ANGPT4: variants seen among roughly 807,000 people sequenced by gnomAD.
ANGPT4 encodes the protein angiopoietin-4.
In ANGPT4, 50 loss-of-function variants were observed where a neutral mutation model predicts 53.0. That is an observed-to-expected ratio of 0.94 (90% CI 0.75 to 1.20). The LOEUF (loss-of-function observed/expected upper bound fraction) is 1.20, where lower values mean the gene tolerates loss of function less well. Among genes scored for constraint, ANGPT4 ranks in the 50% most tolerant of loss-of-function variants. The pLI is 0.00. For synonymous variants in ANGPT4, 251 were observed against 259.7 expected (o/e 0.97, Z 0.32); for missense variants, 648 against 637.1 (o/e 1.02, Z -0.18).
chr20:881,786 C>T (rs1297492402), intron 4 of ANGPT4, among the ~76,000 whole-genome samples: 1 of 152,196 alleles, frequency 6.6e-6, no homozygotes, highest in Non-Finnish European at 1.5e-5. Flanking sequence ...AGCCCAGATT[C>T]TCTGGGCTGA....
chr20:913,826 A>G (rs1039556624), intron 1 of ANGPT4, among the ~76,000 whole-genome samples: 19 of 152,354 alleles, frequency 1.2e-4, no homozygotes, highest in African/African-American at 4.6e-4. Flanking sequence ...GGTGGGAGCC[A>G]CAGGAAGCCC....
Position 914,753 on chromosome 20 carries a change from G to A in ANGPT4, c.309+1153C>T, listed in dbSNP as rs1436512340. On this transcript the variant is annotated intron_variant, in intron 1 of 8. Transcript: ENST00000381922. The surrounding 1 kb of genome is among the most constrained non-coding windows in gnomAD (Gnocchi z 5.0). Reference sequence around the variant, plus strand: ...AGGGACTCTGAAGAGTCCCATCTCAGACCCCCCAGGATGTCTCCTGTACCC... The same window carrying A: ...AGGGACTCTGAAGAGTCCCATCTCAAACCCCCCAGGATGTCTCCTGTACCC... 6.6e-6 allele frequency among the ~76,000 whole-genome samples: 1 copy of A among 151,982 alleles called. No homozygotes were observed. The highest frequency in any genetic ancestry group is 1.5e-5 in the Non-Finnish European group (1 of 67,970).
chr20:885,202 G>C lies in ANGPT4; in HGVS notation c.711C>G (p.Ile237Met), dbSNP rs1236451976. ...GCCTGACACCGCGCAGGCCGCGCTC[G>C]ATGTTGGTGAGGGCGGCGCTCTGGC... ...LSRQSAALTN[I>M]ERGLRGVRHN... Residue 237 changes from isoleucine to methionine, a missense_variant, in exon 4 of 9, where the codon ATC becomes ATG. Transcript: ENST00000381922. 1.9e-6 allele frequency: 3 copies of C among 1,599,596 alleles called. No homozygotes were observed. Among genetic ancestry groups the C allele is most frequent in the South Asian group, 2.2e-5 (2 of 89,198 alleles).
chr20:910,175 G>C (rs1209870058), intron 1 of ANGPT4, among the ~76,000 whole-genome samples: 1 of 152,196 alleles, frequency 6.6e-6, no homozygotes. Flanking sequence ...TCTTGGGCAA[G>C]TCACCTAATC....
intron 5 of ANGPT4, among the ~76,000 whole-genome samples, 197 bp from the exon 6 acceptor site, chr20:880,045 G>T (rs1422509168): frequency 1.3e-5 from 2 of 152,218 alleles, no homozygotes; most frequent in African/African-American, 2.4e-5. Context: ...GGTAAGGAAT[G>T]ACCTCTCAGA....
intron 1 of ANGPT4, among the ~76,000 whole-genome samples, chr20:907,771 C>A (rs868232725): frequency 1.3e-5 from 2 of 151,908 alleles, no homozygotes; most frequent in Non-Finnish European, 2.9e-5. Context: ...CCCCTGCCCA[C>A]CCCCCAACCT....
intron 7 of ANGPT4, among the ~76,000 whole-genome samples, chr20:875,546 C>T (rs916775507): frequency 6.6e-5 from 10 of 152,338 alleles, no homozygotes; most frequent in Admixed American, 1.3e-4. Flanking sequence ...GCTGCATGGC[C>T]TTGGAGGATT....
intron 4 of ANGPT4, among the ~76,000 whole-genome samples, chr20:881,490 A>C (rs147070224): frequency 2.0e-5 from 3 of 152,274 alleles, no homozygotes; most frequent in African/African-American, 7.2e-5. Flanking sequence ...CCAGTGGAGA[A>C]GGGGAAGGTG....
chr20:890,060 C>A (rs1981771603), intron 2 of ANGPT4, among the ~76,000 whole-genome samples, 153 bp downstream of exon 2: 2 of 152,144 alleles, frequency 1.3e-5, no homozygotes, highest in Admixed American at 6.5e-5. Flanking sequence ...AGTTTTATGA[C>A]AAGTTCATCA....
chr20:872,757 C>A lies in ANGPT4; in HGVS notation c.*203G>T. ...CGAGGACTACATCAGAGGGATGGGCCCCGAACACCCTCCATGTCACAGACG... is the reference window on the plus strand; with the variant it reads ...CGAGGACTACATCAGAGGGATGGGCACCGAACACCCTCCATGTCACAGACG... On this transcript the variant is annotated 3_prime_UTR_variant, in exon 9 of 9. Transcript: ENST00000381922. 1.6e-6 allele frequency: 1 copy of A among 619,274 alleles called. No homozygotes were observed. The highest frequency in any genetic ancestry group is 2.8e-6 in the Non-Finnish European group (1 of 357,254). 38.4% of individuals were successfully genotyped at this position (619,274 alleles called of 1,614,324 possible).
chr20:888,735 C>T (rs1981718265), intron 2 of ANGPT4, among the ~76,000 whole-genome samples: 1 of 152,242 alleles, frequency 6.6e-6, no homozygotes, highest in African/African-American at 2.4e-5. Context: ...TCAGCCTTGC[C>T]TTCCAGGTGG....
At chr20:909,561 G>A (rs749377939) in intron 1 of ANGPT4, among the ~76,000 whole-genome samples, 23 of 152,174 alleles carry the variant, frequency 1.5e-4, no homozygotes, top group Non-Finnish European at 2.4e-4. Context: ...GAGTCTTGAC[G>A]TTTACTGAGC....
At chr20:874,449 G>C (rs770055852) in intron 7 of ANGPT4, 35 bp from the exon 8 acceptor site, 1 of 1,611,328 alleles carries the variant, frequency 6.2e-7, no homozygotes, top group Non-Finnish European at 8.5e-7. Flanking sequence ...TGGCAGAAGG[G>C]CCCAGAGTCA....
rs28504506 is a variant in ANGPT4, at chr20:872,959, G to A, written c.*1C>T. 6,292 of 1,613,852 alleles carry A rather than the reference G, an allele frequency of 3.9e-3. 155 individuals are homozygous for A. The African/African-American group carries it at 0.062, about 16-fold the overall frequency. ...GGTCCAGCCTCTGGCACAGCTGCTC[G>A]TTAGATGTCCAAAGGCCGTATCATC... On this transcript the variant is annotated 3_prime_UTR_variant, in exon 9 of 9. Coordinates refer to ENST00000381922, the MANE Select transcript of ANGPT4 (RefSeq NM_015985.4).
At chr20:876,440 C>T (rs1981174229) in intron 7 of ANGPT4, among the ~76,000 whole-genome samples, 1 of 152,184 alleles carries the variant, frequency 6.6e-6, no homozygotes, top group Non-Finnish European at 1.5e-5. Flanking sequence ...GGGATGGGAA[C>T]AGCCGTGCTC....
chr20:876,104 C>T (rs944113), intron 7 of ANGPT4, among the ~76,000 whole-genome samples: 40,234 of 146,980 alleles, frequency 0.27, 5,893 homozygotes, highest in East Asian at 0.58. Context: ...TGTGATCATG[C>T]CACTGCACTC....
chr20:879,836 G>T lies in ANGPT4; in HGVS notation c.964C>A (p.Leu322Met). 6.2e-7 allele frequency: 1 copy of T among 1,612,508 alleles called. No individual in the cohort carries two copies. The highest frequency in any genetic ancestry group is 8.5e-7 in the Non-Finnish European group (1 of 1,179,226). ...ATKPRKVFCD[L>M]QSSGGRWTLI... ...GTCCACCTGCCTCCACTGCTCTGCA[G>T]GTCACAGAACACCTGGAGGGGGTGG... Residue 322 changes from leucine (L) to methionine (M), a missense_variant, in exon 6 of 9, where the codon CTG (leucine) becomes ATG (methionine). Coordinates refer to ENST00000381922, the MANE Select transcript of ANGPT4 (RefSeq NM_015985.4).
chr20:907,590 G>T (rs57230954), intron 1 of ANGPT4, among the ~76,000 whole-genome samples: 1 of 152,130 alleles, frequency 6.6e-6, no homozygotes, highest in African/African-American at 2.4e-5. Flanking sequence ...CTAACCACTA[G>T]GTATATGAAG....
At chr20:893,399 A>G (rs1981923928) in intron 1 of ANGPT4, among the ~76,000 whole-genome samples, 2 of 152,052 alleles carry the variant, frequency 1.3e-5, no homozygotes, top group Admixed American at 1.3e-4. Context: ...TATTTTTCAT[A>G]TTTTGCTTAT....
Sources: gnomAD v4.1 joint callset for allele counts (sites outside exome capture counted in the v4.1 genomes callset) on GRCh38, gnomAD v4.1.1 for gene constraint, Gnocchi (gnomAD v3.1) non-coding constraint, MANE v1.5 for transcripts, NCBI Gene and HGNC (gene_info 2026-07-23, HGNC 2026-07-21) for gene names.